FANCC: variants seen among roughly 807,000 people sequenced by gnomAD.
FANCC encodes the protein Fanconi anemia group C protein.
FANCC carries 55 observed loss-of-function variants against 71.3 expected under a neutral mutation model. The observed-to-expected ratio is 0.77, with a 90% CI of 0.62 to 0.97. FANCC has a LOEUF of 0.97. FANCC is among the 50% of genes least tolerant of loss of function. The probability of loss-of-function intolerance (pLI) is 0.00; values close to 1 mark genes in which losing one functional copy is unlikely to be tolerated. For missense variants in FANCC, 678 were observed against 670.9 expected (o/e 1.01, Z -0.12); for synonymous variants, 275 against 244.9 (o/e 1.12, Z -1.15).
intron 13 of FANCC, chr9:95,110,459 T>A (rs2071828440): frequency 1.9e-6 from 2 of 1,029,006 alleles, no homozygotes; most frequent in Non-Finnish European, 2.3e-6. Flanking sequence ...GGGGAAGAAA[T>A]AAAAAGCTTT....
At chr9:95,238,719 C>T (rs1283352303) in intron 4 of FANCC, among the ~76,000 whole-genome samples, 2 of 152,118 alleles carry the variant, frequency 1.3e-5, no homozygotes, top group South Asian at 2.1e-4. Context: ...GCACGTGCCA[C>T]CATTCCTGGC....
At chr9:95,306,124 T>C (rs2136391292) in intron 1 of FANCC, among the ~76,000 whole-genome samples, 1 of 152,328 alleles carries the variant, frequency 6.6e-6, no homozygotes, top group South Asian at 2.1e-4. Context: ...TTAGTCAGAA[T>C]AAAGTTTTGT....
chr9:95,293,463 G>A (rs753933359), intron 1 of FANCC: 38 of 1,571,858 alleles, frequency 2.4e-5, no homozygotes, highest in Non-Finnish European at 3.3e-5. Context: ...TGCTGATCCT[G>A]TTGCTGTTGA....
intron 1 of FANCC, among the ~76,000 whole-genome samples, chr9:95,287,704 T>C (rs1018513002): frequency 2.0e-5 from 3 of 152,242 alleles, no homozygotes; most frequent in African/African-American, 7.2e-5. Context: ...TGCTATTTAA[T>C]ATGAAATTAC....
chr9:95,143,342 G>A (rs754941840), intron 7 of FANCC, among the ~76,000 whole-genome samples: 2 of 152,258 alleles, frequency 1.3e-5, no homozygotes, highest in African/African-American at 2.4e-5. Flanking sequence ...ATGTAAGCAC[G>A]ACTGATTAAA....
At chr9:95,156,706 A>C (rs1487467610) in intron 6 of FANCC, among the ~76,000 whole-genome samples, 1 of 152,150 alleles carries the variant, frequency 6.6e-6, no homozygotes, top group Non-Finnish European at 1.5e-5. Flanking sequence ...CCAGTGAATT[A>C]TAAATTCTGC....
chr9:95,230,809 C>T (rs1222798718), intron 4 of FANCC, among the ~76,000 whole-genome samples: 2 of 152,154 alleles, frequency 1.3e-5, no homozygotes, highest in Non-Finnish European at 2.9e-5. Flanking sequence ...CTTGTTTGGT[C>T]CCGCCCACAT....
intron 1 of FANCC, among the ~76,000 whole-genome samples, chr9:95,304,170 T>C (rs1348691180): frequency 3.3e-5 from 5 of 152,332 alleles, no homozygotes; most frequent in African/African-American, 9.6e-5. Flanking sequence ...AAATAATTCA[T>C]CTCCCACACA....
At chr9:95,191,234 T>C (rs977258414) in intron 4 of FANCC, among the ~76,000 whole-genome samples, 1 of 151,760 alleles carries the variant, frequency 6.6e-6, no homozygotes, top group African/African-American at 2.4e-5. Context: ...TAAGAAAGCC[T>C]GAGTGCTCCC....
At chr9:95,245,314 A>G (rs1338494361) in intron 3 of FANCC, among the ~76,000 whole-genome samples, 3 of 152,124 alleles carry the variant, frequency 2.0e-5, no homozygotes, top group African/African-American at 7.2e-5. Flanking sequence ...CACTATGAAC[A>G]GCATAGTGAA....
chr9:95,315,188 C>A (rs996957713), intron 1 of FANCC, among the ~76,000 whole-genome samples: 5 of 152,204 alleles, frequency 3.3e-5, no homozygotes, highest in African/African-American at 1.2e-4. Flanking sequence ...CCATTGCCTG[C>A]TAGCCCCCAG....
At chr9:95,174,722 T>G (rs1825903922) in intron 4 of FANCC, among the ~76,000 whole-genome samples, 1 of 152,220 alleles carries the variant, frequency 6.6e-6, no homozygotes. Context: ...AATTTGCATC[T>G]GTGCATATAA....
intron 6 of FANCC, among the ~76,000 whole-genome samples, chr9:95,168,624 A>T (rs750916438): frequency 3.3e-5 from 5 of 152,174 alleles, no homozygotes; most frequent in Non-Finnish European, 7.4e-5. Context: ...TCCACCTCCC[A>T]GGTTCATGTG....
intron 1 of FANCC, among the ~76,000 whole-genome samples, chr9:95,261,112 C>A (rs796394253): frequency 6.6e-6 from 1 of 152,168 alleles, no homozygotes; most frequent in Admixed American, 6.5e-5. Flanking sequence ...TCATTATTCA[C>A]GGAGGAATAA....
At chr9:95,241,628 T>C (rs1301270284) in intron 3 of FANCC, among the ~76,000 whole-genome samples, 1 of 152,222 alleles carries the variant, frequency 6.6e-6, no homozygotes, top group African/African-American at 2.4e-5. Context: ...CAGTACTCTC[T>C]GCCACCTCAT....
At chr9:95,298,494 A>T (rs1172705286) in intron 1 of FANCC, among the ~76,000 whole-genome samples, 1 of 152,214 alleles carries the variant, frequency 6.6e-6, no homozygotes, top group Non-Finnish European at 1.5e-5. Flanking sequence ...GAGAGACAGT[A>T]ACTAAAGCTA....
intron 1 of FANCC, among the ~76,000 whole-genome samples, chr9:95,309,508 T>C (rs562365012): frequency 3.0e-4 from 45 of 152,346 alleles, no homozygotes; most frequent in African/African-American, 1.1e-3. Flanking sequence ...GACAAGGTCA[T>C]GTTTGGGTAC....
chr9:95,230,786 C>T (rs562628332), intron 4 of FANCC, among the ~76,000 whole-genome samples: 2 of 152,222 alleles, frequency 1.3e-5, no homozygotes, highest in South Asian at 4.2e-4. Context: ...CTGGGGTGGC[C>T]AGCTTTTATT....
intron 1 of FANCC, among the ~76,000 whole-genome samples, chr9:95,253,259 T>G (rs920689193): frequency 6.6e-6 from 1 of 152,074 alleles, no homozygotes; most frequent in Non-Finnish European, 1.5e-5. Context: ...GCTGCCAGCA[T>G]CTGGTTAATT....
Sources: allele counts gnomAD v4.1 joint callset (sites outside exome capture counted in the v4.1 genomes callset), GRCh38; gene constraint gnomAD v4.1.1; transcripts MANE v1.5; gene names NCBI Gene and HGNC (gene_info 2026-07-23, HGNC 2026-07-21).